The following LONP2 variants were observed in gnomAD, a reference collection of about 807,000 sequenced individuals.
LONP2 encodes the protein lon peptidase 2, peroxisomal.
Under a neutral mutation model 85.6 loss-of-function variants are expected in LONP2, and 60 were observed. The ratio of observed to expected loss-of-function variants is 0.70; its 90% CI spans 0.57 to 0.87. The LOEUF is 0.87. LONP2 is among the 40% of genes least tolerant of loss of function. The pLI, the probability that LONP2 is intolerant of heterozygous loss-of-function variation, is 0.00. For missense variants in LONP2, 860 were observed against 1,063.5 expected, an observed-to-expected ratio of 0.81 and a Z score of 2.66; for synonymous variants, 395 against 389.7, an observed-to-expected ratio of 1.01 and a Z score of -0.16.
At position 48,299,713 on chromosome 16, in the gene LONP2, A is replaced by G. The variant is rs763140765; in HGVS notation, c.1586A>G (p.Lys529Arg). Reference sequence around the variant, plus strand: ...ATTGCCCATAGGCACTTGATCCCCAAGCAGCTGGAACAACATGGGCTGACT... The same window carrying G: ...ATTGCCCATAGGCACTTGATCCCCAGGCAGCTGGAACAACATGGGCTGACT... ...IEIAHRHLIP[K>R]QLEQHGLTPQ... Residue 529 changes from lysine (K) to arginine (R), a missense_variant, in exon 10 of 15, where the codon AAG becomes AGG. Transcript: ENST00000285737. The G allele has an allele frequency of 6.2e-7, 1 of 1,613,938 alleles. No homozygotes were observed. Among genetic ancestry groups the G allele is most frequent in the East Asian group, 2.2e-5 (1 of 44,890 alleles).
At chr16:48,245,022 C>G (rs1257592311) in intron 1 of LONP2, among the ~76,000 whole-genome samples, 1 of 152,158 alleles carries the variant, frequency 6.6e-6, no homozygotes, top group Admixed American at 6.5e-5. Context: ...TCCCCACTGC[C>G]CTTTACTCCT....
intron 12 of LONP2, chr16:48,334,904 G>C: frequency 2.6e-6 from 1 of 390,238 alleles, no homozygotes; most frequent in Non-Finnish European, 5.1e-6. Flanking sequence ...TTTTTTTGTT[G>C]GTACTCACTG....
At chr16:48,318,927 A>G (rs1053867379) in intron 11 of LONP2, among the ~76,000 whole-genome samples, 1 of 151,494 alleles carries the variant, frequency 6.6e-6, no homozygotes, top group African/African-American at 2.4e-5. Flanking sequence ...TTCCTCAACC[A>G]AAACAGGAAG....
chr16:48,272,759 G>A, intron 7 of LONP2, among the ~76,000 whole-genome samples: 1 of 152,132 alleles, frequency 6.6e-6, no homozygotes, highest in East Asian at 1.9e-4. Flanking sequence ...AACTACTATA[G>A]CAACCTGCCC....
chr16:48,292,454 T>G (rs1204245366), intron 8 of LONP2, among the ~76,000 whole-genome samples: 1 of 152,192 alleles, frequency 6.6e-6, no homozygotes, highest in Non-Finnish European at 1.5e-5. Context: ...TCTTCCCTTT[T>G]GCTTAGTGAT....
intron 8 of LONP2, among the ~76,000 whole-genome samples, chr16:48,279,136 GAAA>G (rs1006767060): frequency 6.6e-6 from 1 of 151,902 alleles, no homozygotes; most frequent in Non-Finnish European, 1.5e-5. Flanking sequence ...AAAAGAAAAA[GAAA>G]AAAATTACTT....
intron 3 of LONP2, among the ~76,000 whole-genome samples, chr16:48,257,430 A>G (rs1488179590): frequency 6.6e-6 from 1 of 152,122 alleles, no homozygotes; most frequent in Non-Finnish European, 1.5e-5. Context: ...TAGAATCTTC[A>G]TCATGTTTCT....
At chr16:48,290,485 A>G (rs1163455028) in intron 8 of LONP2, among the ~76,000 whole-genome samples, 1 of 152,170 alleles carries the variant, frequency 6.6e-6, no homozygotes, top group Non-Finnish European at 1.5e-5. Context: ...GCCAGTCGTG[A>G]GTTGACTTCC....
intron 3 of LONP2, among the ~76,000 whole-genome samples, chr16:48,257,225 C>A (rs533909801): frequency 1.3e-5 from 2 of 152,026 alleles, no homozygotes; most frequent in South Asian, 4.2e-4. Flanking sequence ...GCAGGAGAAT[C>A]GCTTGAACCT....
In LONP2 at chr16:48,264,786, T is replaced by C. The variant is rs142655299; in HGVS notation, c.982+1914T>C. ...AGTATTAATTTGGGGAACTAATAAA[T>C]GTCCATAAAATCTTCACAATCCACG... On this transcript the variant is annotated intron_variant, in intron 6 of 14. Transcript: ENST00000285737. Among the ~76,000 whole-genome samples, 519 of 152,348 alleles carry C rather than the reference T, an allele frequency of 3.4e-3. 2 individuals are homozygous for C. Among genetic ancestry groups the C allele is most frequent in the African/African-American group, 0.012 (494 of 41,580 alleles).
intron 11 of LONP2, among the ~76,000 whole-genome samples, chr16:48,308,088 T>G (rs1972949582): frequency 6.6e-6 from 1 of 152,038 alleles, no homozygotes; most frequent in African/African-American, 2.4e-5. Flanking sequence ...CCTCCAACAT[T>G]GGGAAACAAA....
rs189551428 is a variant in LONP2, at chr16:48,258,973, G to A, written c.723+233G>A. On this transcript the variant is annotated intron_variant, in intron 4 of 14. Coordinates refer to ENST00000285737, the MANE Select transcript of LONP2 (RefSeq NM_031490.5). ...AATTTACTGAGCCATTTCCCCTTTT[G>A]TGTTGTTTCCAATGTTTTGTGTATT... is the stretch of plus-strand genomic sequence containing the variant. Among the ~76,000 whole-genome samples the A allele has an allele frequency of 3.8e-4, 57 of 151,838 alleles. 1 individual carries two copies. The highest frequency in any genetic ancestry group is 3.4e-3 in the Middle Eastern group (1 of 294).
chr16:48,327,127 G>A (rs568597744), intron 11 of LONP2, among the ~76,000 whole-genome samples: 3 of 152,186 alleles, frequency 2.0e-5, no homozygotes, highest in Non-Finnish European at 4.4e-5. Flanking sequence ...TTCTGCCCCC[G>A]TGCTGTGTGC....
chr16:48,357,612 T>C (rs1339964228), downstream of LONP2, among the ~76,000 whole-genome samples: 1 of 152,250 alleles, frequency 6.6e-6, no homozygotes, highest in Non-Finnish European at 1.5e-5. Flanking sequence ...CCCAGGTATG[T>C]TGGATTTGAT....
chr16:48,248,697 A>G (rs894333523), intron 1 of LONP2, among the ~76,000 whole-genome samples: 2 of 152,128 alleles, frequency 1.3e-5, no homozygotes, highest in Non-Finnish European at 2.9e-5. Context: ...AGATTCCAAG[A>G]AAAATTAAGG....
At chr16:48,341,210 G>A (rs984044707) in intron 12 of LONP2, among the ~76,000 whole-genome samples, 6 of 152,160 alleles carry the variant, frequency 3.9e-5, no homozygotes, top group Admixed American at 1.3e-4. Flanking sequence ...CGAGGCAGAA[G>A]AATCACTTGA....
In LONP2 at chr16:48,256,672, T is replaced by A; in HGVS notation, c.531T>A (p.Ser177Arg). ...CTAAATTGAGACGTCTTTTAGATAG[T>A]CTTCCAAGGGAAGCTTTACCAGACA... Reference protein sequence around the residue: ...AVAKLRRLLDSLPREALPDIL... With the variant: ...AVAKLRRLLDRLPREALPDIL... The change falls in exon 3 of 15, where the codon AGT becomes AGA. Residue 177 changes from serine (S) to arginine (R), a missense_variant. Ser to Arg is a moderately radical substitution (Grantham distance 110). Coordinates refer to ENST00000285737, the MANE Select transcript of LONP2 (RefSeq NM_031490.5). 1 of 1,613,948 alleles carries A rather than the reference T, an allele frequency of 6.2e-7. No homozygotes were observed. The highest frequency in any genetic ancestry group is 1.7e-5 in the Admixed American group (1 of 60,028).
chr16:48,264,865 C>T (rs1209564540), intron 6 of LONP2, among the ~76,000 whole-genome samples: 1 of 152,202 alleles, frequency 6.6e-6, no homozygotes, highest in African/African-American at 2.4e-5. Flanking sequence ...TGACTTCCCG[C>T]AACACGCTGT....
intron 11 of LONP2, among the ~76,000 whole-genome samples, chr16:48,321,155 G>A (rs770198923): frequency 6.6e-6 from 1 of 152,136 alleles, no homozygotes; most frequent in African/African-American, 2.4e-5. Flanking sequence ...GAAGTGCTGG[G>A]ATTACAGGCG....
Sources: gnomAD v4.1 joint callset for allele counts (sites outside exome capture counted in the v4.1 genomes callset) on GRCh38, gnomAD v4.1.1 for gene constraint, MANE v1.5 for transcripts, NCBI Gene and HGNC (gene_info 2026-07-23, HGNC 2026-07-21) for gene names.